SBF1: variants seen among roughly 807,000 people sequenced by gnomAD.
SBF1 encodes SET binding factor 1.
Under a neutral mutation model 215.8 loss-of-function variants are expected in SBF1, and 65 were observed. The observed-to-expected ratio is 0.30, with a 90% CI of 0.25 to 0.37. The LOEUF is 0.37. Ranked by LOEUF, SBF1 falls within the 10% of genes least tolerant of loss-of-function variation. SBF1 has a pLI of 1.00. For missense variants in SBF1, 2,634 were observed against 2,667.8 expected (o/e 0.99, Z 0.28); for synonymous variants, 1,410 against 1,122.8 (o/e 1.26, Z -5.11).
intron 3 of SBF1, 29 bp from the exon 4 acceptor site, chr22:50,467,719 A>AG (rs1603434369): frequency 3.4e-6 from 2 of 593,422 alleles, no homozygotes. Context: ...AGACGGGGGC[A>AG]GGGGGAGTTG....
rs748744166 is a variant in SBF1 at position 50,466,382 on chromosome 22, G to A, written c.756C>T (p.Gly252=). The A allele has an allele frequency of 5.1e-6, 8 of 1,556,656 alleles. No individual in the cohort carries two copies. The highest frequency in any genetic ancestry group is 1.2e-5 in the South Asian group (1 of 84,856). Residue 252 remains glycine, a synonymous_variant, in exon 7 of 41, where the codon GGC becomes GGT. Transcript: ENST00000380817. ...TGAGAGGAAACAGCAGTGCCAGGAG[G>A]CCCCTACAGGCATCGGCGAGCCGCT... ...SYQRLADACR[G]LLALLFPLRY...
In SBF1 at chr22:50,462,028, T is replaced by C. The variant is rs1466990466; in HGVS notation, c.2488A>G (p.Ile830Val). ...CAGACCTTGTCCACAAAGCGGTTGA[T>C]GAAGCGGACCACAGCCCCAGCTACG... is the stretch of plus-strand genomic sequence containing the variant. The part of the protein sequence containing the change: ...CDVAGAVVRF[I>V]NRFVDKVCTE... Residue 830 changes from isoleucine to valine, a missense_variant, in exon 20 of 41, where the codon ATC becomes GTC. Physicochemically the swap from Ile to Val is conservative, Grantham distance 29 (BLOSUM62 3). Transcript: ENST00000380817. The C allele has an allele frequency of 1.2e-6, 2 of 1,614,202 alleles. No individual in the cohort carries two copies. Among genetic ancestry groups the C allele is most frequent in the African/African-American group, 2.7e-5 (2 of 75,064 alleles).
At chr22:50,453,152 T>C (rs916614923) in intron 36 of SBF1, among the ~76,000 whole-genome samples, 2 of 152,140 alleles carry the variant, frequency 1.3e-5, no homozygotes, top group African/African-American at 4.8e-5. Context: ...CTACATTCTG[T>C]GTACAAGAAA....
In SBF1 at chr22:50,446,022, G is replaced by C. The variant is rs2148543940; in HGVS notation, c.*1120C>G. On this transcript the variant is annotated 3_prime_UTR_variant, in exon 41 of 41. Coordinates refer to ENST00000380817, the MANE Select transcript of SBF1 (RefSeq NM_002972.4). ...GCTGCCACTCTCAGATGTTCTCTTGGCCTTTGCAGCGTCTATAACCCTCCC... is the reference window on the plus strand; with the variant it reads ...GCTGCCACTCTCAGATGTTCTCTTGCCCTTTGCAGCGTCTATAACCCTCCC... 2 of 153,552 alleles carry C rather than the reference G, an allele frequency of 1.3e-5. No homozygotes were observed. The highest frequency in any genetic ancestry group is 3.8e-4 in the East Asian group (2 of 5,228). The allele number at this position is 153,552 out of a possible 1,614,324, so 9.5% of individuals were successfully genotyped here. A position where few individuals can be genotyped will look rare whatever the true frequency, so the allele number is the denominator to read the frequency against.
At position 50,471,328 on chromosome 22, in the gene SBF1, A is replaced by AAGGCGGGC. The variant is rs747501732; in HGVS notation, c.56-2875_56-2868dup. ...AGCCCCACGCAGACGGCAGGCCTGAAAGGCGGGCGGGCGGGCAGGCGAACA... is the reference window on the plus strand; with the variant it reads ...AGCCCCACGCAGACGGCAGGCCTGAAAGGCGGGCAGGCGGGCGGGCGGGCAGGCGAACA... On this transcript the variant is annotated intron_variant, in intron 1 of 40. Coordinates refer to ENST00000380817, the MANE Select transcript of SBF1 (RefSeq NM_002972.4). Among the ~76,000 whole-genome samples, 43 of 151,300 alleles carry AAGGCGGGC rather than the reference A, an allele frequency of 2.8e-4. 1 individual carries two copies. The highest frequency in any genetic ancestry group is 1.2e-3 in the Admixed American group (18 of 15,264).
chr22:50,456,560 G>A lies in SBF1; in HGVS notation c.4018C>T (p.Pro1340Ser), dbSNP rs771620522. Residue 1340 changes from proline (P) to serine (S), a missense_variant, in exon 30 of 41, where the codon CCC becomes TCC. Transcript: ENST00000380817. ...LAPPQANGGP[P>S]DPGFLRPQRA... ...TGCGGACGCAGGAAGCCCGGGTCGGGAGGGCCCCCGTTGGCCTGGGGTGGG... is the reference window on the plus strand; with the variant it reads ...TGCGGACGCAGGAAGCCCGGGTCGGAAGGGCCCCCGTTGGCCTGGGGTGGG... 18 of 1,580,630 alleles carry A rather than the reference G, an allele frequency of 1.1e-5. No homozygotes were observed. The highest frequency in any genetic ancestry group is 1.8e-5 in the Admixed American group (1 of 56,082).
intron 15 of SBF1, among the ~76,000 whole-genome samples, chr22:50,463,962 AG>A (rs2067634544): frequency 6.6e-6 from 1 of 152,242 alleles, no homozygotes; most frequent in Non-Finnish European, 1.5e-5. Context: ...ATAAGATGCA[AG>A]GAACAGGTCA....
intron 38 of SBF1, 134 bp from the exon 39 acceptor site, chr22:50,447,743 G>A (rs1049953644): frequency 1.2e-5 from 8 of 654,244 alleles, no homozygotes; most frequent in African/African-American, 7.2e-5. Flanking sequence ...ACTGACCTAA[G>A]CCCAGAGCAC....
rs1394282014 is a variant in SBF1, at chr22:50,466,707, T to C, written c.553A>G (p.Thr185Ala). The C allele has an allele frequency of 6.5e-7, 1 of 1,527,716 alleles. No individual in the cohort carries two copies. Among genetic ancestry groups the C allele is most frequent in the African/African-American group, 1.4e-5 (1 of 72,184 alleles). 94.6% of individuals were successfully genotyped at this position (1,527,716 alleles called of 1,614,324 possible). The change falls in exon 6 of 41, where the codon ACG becomes GCG. Residue 185 changes from threonine (T) to alanine (A), a missense_variant. Transcript: ENST00000380817. ...TVPLAGGSQR[T>A]ISLGAGDRQV... ...CGGTCACCAGCCCCCAAAGAGATCG[T>C]CCTCTGCAGCAAAAAAAGGATCGGG...
rs1406831751 is a variant in SBF1 at position 50,446,780 on chromosome 22, G to T, written c.*362C>A. 1 of 573,594 alleles carries T rather than the reference G, an allele frequency of 1.7e-6. No homozygotes were observed. Among genetic ancestry groups the T allele is most frequent in the Non-Finnish European group, 3.3e-6 (1 of 299,592 alleles). The allele number at this position is 573,594 out of a possible 1,614,324, so 35.5% of individuals were successfully genotyped here. A position where few individuals can be genotyped will look rare whatever the true frequency, so the allele number is the denominator to read the frequency against. ...GGTAGGCCGAGAGCAGGCAGCCGGG[G>T]AGTGGGGAAGGCAGGCACAGGAGCG... On this transcript the variant is annotated 3_prime_UTR_variant, in exon 41 of 41. Transcript: ENST00000380817.
intron 38 of SBF1, 29 bp from the exon 39 acceptor site, chr22:50,447,638 C>T (rs759230016): frequency 5.9e-6 from 9 of 1,538,350 alleles, no homozygotes; most frequent in Non-Finnish European, 8.0e-6. Flanking sequence ...CAGGGCCAGG[C>T]TGACCGTCAT....
chr22:50,459,039 A>T (rs1375128846), intron 28 of SBF1, among the ~76,000 whole-genome samples: 2 of 152,098 alleles, frequency 1.3e-5, no homozygotes, highest in Admixed American at 1.3e-4. Flanking sequence ...GGCGGGCAGG[A>T]GGTCAGGGCA....
intron 28 of SBF1, among the ~76,000 whole-genome samples, chr22:50,458,472 G>A (rs11703111): frequency 0.28 from 41,816 of 152,044 alleles, 6,616 homozygotes; most frequent in Middle Eastern, 0.37. Flanking sequence ...GGGAAGCACA[G>A]GCATGGGGGG....
At chr22:50,462,796 G>A (rs562875826) in intron 17 of SBF1, 74 bp downstream of exon 17, 40 of 1,605,248 alleles carry the variant, frequency 2.5e-5, no homozygotes, top group East Asian at 2.0e-4. Context: ...CACCAGGAAG[G>A]GGGGCTGGGA....
chr22:50,466,748 C>T (rs2067778198), intron 5 of SBF1, 38 bp from the exon 6 acceptor site: 1 of 1,411,916 alleles, frequency 7.1e-7, no homozygotes, highest in Non-Finnish European at 9.6e-7. Context: ...GTAGTTTGGC[C>T]AGAGCCAGCC....
rs768609620 is a variant in SBF1, at chr22:50,454,535, C to T, written c.5020G>A (p.Asp1674Asn). Reference protein sequence around the residue: ...CYDSCPRAQPDAISRLLEELQ... With the variant: ...CYDSCPRAQPNAISRLLEELQ... ...ACCTCCAGCAGGCGTGAGATGGCGTCAGGCTGGGCCCGCGGGCAGCTGTCG... is the reference window on the plus strand; with the variant it reads ...ACCTCCAGCAGGCGTGAGATGGCGTTAGGCTGGGCCCGCGGGCAGCTGTCG... The change falls in exon 36 of 41, where the codon GAC becomes AAC. Residue 1674 changes from aspartate to asparagine, a missense_variant. By Grantham distance (23) the Asp-to-Asn change is conservative. Transcript: ENST00000380817. 1.2e-6 allele frequency: 2 copies of T among 1,610,522 alleles called. No individual in the cohort carries two copies. The highest frequency in any genetic ancestry group is 2.2e-5 in the South Asian group (2 of 91,066).
chr22:50,461,022 A>G, intron 23 of SBF1, 137 bp downstream of exon 23: 2 of 1,169,768 alleles, frequency 1.7e-6, no homozygotes, highest in Middle Eastern at 3.0e-4. Context: ...AGCCACAGTG[A>G]GGGCCCCAGA....
At chr22:50,463,193 CT>C in intron 16 of SBF1, 89 bp downstream of exon 16, 2 of 1,512,306 alleles carry the variant, frequency 1.3e-6, no homozygotes, top group Non-Finnish European at 1.8e-6. Context: ...CTTGCACCGT[CT>C]CTCCACTCTC....
At chr22:50,472,775 C>T (rs186815076) in intron 1 of SBF1, among the ~76,000 whole-genome samples, 159 of 152,338 alleles carry the variant, frequency 1.0e-3, no homozygotes, top group African/African-American at 3.8e-3. Context: ...TGGCTCTGCC[C>T]TCAGCCCATG....
Sources: allele counts gnomAD v4.1 joint callset (sites outside exome capture counted in the v4.1 genomes callset), GRCh38; gene constraint gnomAD v4.1.1; transcripts MANE v1.5; gene names NCBI Gene and HGNC (gene_info 2026-07-23, HGNC 2026-07-21).